Variants in ARRB1 observed in about 807,000 individuals in gnomAD.
ARRB1 encodes the protein beta-arrestin-1.
In ARRB1, 21 loss-of-function variants were observed where a neutral mutation model predicts 56.8. The ratio of observed to expected loss-of-function variants is 0.37; its 90% CI spans 0.26 to 0.53. The LOEUF (loss-of-function observed/expected upper bound fraction) is 0.53. ARRB1 is among the 20% of genes least tolerant of loss of function. The pLI, the probability that ARRB1 is intolerant of heterozygous loss-of-function variation, is 0.88. For missense variants in ARRB1, 424 were observed against 553.7 expected, an observed-to-expected ratio of 0.77 and a Z score of 2.35; for synonymous variants, 210 against 218.6, an observed-to-expected ratio of 0.96 and a Z score of 0.35.
At position 75,348,608 on chromosome 11, in the gene ARRB1, T is replaced by A. The variant is rs542982; in HGVS notation, c.20+2980A>T. Among the ~76,000 whole-genome samples, 145 of 152,102 alleles carry A rather than the reference T, an allele frequency of 9.5e-4. 3 individuals carry two copies. The highest frequency in any genetic ancestry group is 6.0e-3 in the South Asian group (29 of 4,812). ...GTCCTGTCCAGGTATTTTTTTTTTT[T>A]ATTTTTTCAGACAGGGTCTCACTCT... On this transcript the variant is annotated intron_variant, in intron 1 of 15. Coordinates refer to ENST00000420843, the MANE Select transcript of ARRB1 (RefSeq NM_004041.5).
chr11:75,313,695 C>T (rs1322570505), intron 1 of ARRB1, among the ~76,000 whole-genome samples: 1 of 151,572 alleles, frequency 6.6e-6, no homozygotes, highest in Non-Finnish European at 1.5e-5. Flanking sequence ...AAATGAAATC[C>T]CCTACTTAGC....
At chr11:75,278,332 T>A (rs1565110185) in intron 8 of ARRB1, among the ~76,000 whole-genome samples, 1 of 152,072 alleles carries the variant, frequency 6.6e-6, no homozygotes, top group Non-Finnish European at 1.5e-5. Flanking sequence ...CTGGTGGAGG[T>A]GTGGGGGAGA....
intron 14 of ARRB1, among the ~76,000 whole-genome samples, chr11:75,267,991 C>T (rs1468573160): frequency 1.3e-5 from 2 of 152,222 alleles, no homozygotes; most frequent in Non-Finnish European, 2.9e-5. Flanking sequence ...ACATGAATTA[C>T]ATTAATTCCT....
At position 75,280,965 on chromosome 11, in the gene ARRB1, G is replaced by A. The variant is rs776688048; in HGVS notation, c.482+110C>T. 4.2e-5 allele frequency: 54 copies of A among 1,287,978 alleles called. No individual in the cohort carries two copies. In the Middle Eastern group the frequency reaches 2.6e-3, roughly 61 times the overall value. The allele number at this position is 1,287,978 out of a possible 1,614,324, so 79.8% of individuals were successfully genotyped here. ...GTGCCCTTCCAAGGCTGGAATGTGC[G>A]CCCCTCCTCACACACTTCCAGGTAT... is the stretch of plus-strand genomic sequence containing the variant. On this transcript the variant is annotated intron_variant, in intron 7 of 15. Transcript: ENST00000420843.
chr11:75,276,578 T>C (rs1946205602), intron 10 of ARRB1, among the ~76,000 whole-genome samples: 1 of 152,216 alleles, frequency 6.6e-6, no homozygotes. Flanking sequence ...CCCAATCCCC[T>C]TACATTCATT....
Position 75,265,811 on chromosome 11 carries a change from T to C in ARRB1, c.*352A>G. ...CCCTCATCCCCACCCCTCCAAGCCC[T>C]CATGCCCACCACACCGTGTCCCACA... On this transcript the variant is annotated 3_prime_UTR_variant, in exon 16 of 16. Coordinates refer to ENST00000420843, the MANE Select transcript of ARRB1 (RefSeq NM_004041.5). 3.2e-6 allele frequency: 1 copy of C among 312,012 alleles called. No individual in the cohort carries two copies. Among genetic ancestry groups the C allele is most frequent in the East Asian group, 7.6e-5 (1 of 13,088 alleles). 19.3% of individuals were successfully genotyped at this position (312,012 alleles called of 1,614,324 possible).
In ARRB1 at chr11:75,283,446, C is replaced by T. The variant is rs546039466; in HGVS notation, c.195G>A (p.Arg65=). Residue 65 remains arginine, a synonymous_variant, in exon 5 of 16, where the codon CGG becomes CGA. Transcript: ENST00000420843. The part of the protein sequence containing the change: ...VTLTCAFRYG[R]EDLDVLGLTF... ...TCAGGCCCAGGACATCCAGGTCCTCCCGGCCATAGCGGAAGGCGCAGGTCA... is the reference window on the plus strand; with the variant it reads ...TCAGGCCCAGGACATCCAGGTCCTCTCGGCCATAGCGGAAGGCGCAGGTCA... 270 of 1,613,680 alleles carry T rather than the reference C, an allele frequency of 1.7e-4. 2 individuals are homozygous for T. The South Asian group carries it at 2.7e-3, about 16-fold the overall frequency.
intron 1 of ARRB1, among the ~76,000 whole-genome samples, chr11:75,292,983 C>A (rs1022351716): frequency 1.3e-5 from 2 of 152,072 alleles, no homozygotes; most frequent in Non-Finnish European, 2.9e-5. Flanking sequence ...TGCTTCATAT[C>A]CAACCCGGCT....
intron 13 of ARRB1, among the ~76,000 whole-genome samples, chr11:75,270,356 G>A (rs938612971): frequency 9.2e-5 from 14 of 152,182 alleles, no homozygotes; most frequent in Non-Finnish European, 1.8e-4. Flanking sequence ...TAGGCTGGGC[G>A]CGGTGGCTCA....
intron 1 of ARRB1, among the ~76,000 whole-genome samples, chr11:75,336,894 CCAGAGT>C (rs1947613617): frequency 6.6e-6 from 1 of 152,052 alleles, no homozygotes. Flanking sequence ...CACAATGTGC[CCAGAGT>C]CAGAGTTACA....
chr11:75,339,306 G>A (rs1451630506), intron 1 of ARRB1, among the ~76,000 whole-genome samples: 1 of 152,234 alleles, frequency 6.6e-6, no homozygotes, highest in Non-Finnish European at 1.5e-5. Flanking sequence ...TGAGCCCAGT[G>A]TCTCCTGATA....
chr11:75,318,001 G>A (rs1049186362), intron 1 of ARRB1, among the ~76,000 whole-genome samples: 1 of 152,134 alleles, frequency 6.6e-6, no homozygotes, highest in Non-Finnish European at 1.5e-5. Flanking sequence ...CCACCGAGAC[G>A]CTTAGGTCCC....
intron 1 of ARRB1, among the ~76,000 whole-genome samples, chr11:75,293,578 C>A (rs1231180228): frequency 6.6e-6 from 1 of 152,160 alleles, no homozygotes; most frequent in African/African-American, 2.4e-5. Flanking sequence ...GCAGGGTCTG[C>A]CTCATCCCCA....
chr11:75,309,468 G>A (rs1565132414), intron 1 of ARRB1, among the ~76,000 whole-genome samples: 2 of 152,250 alleles, frequency 1.3e-5, no homozygotes, highest in South Asian at 4.1e-4. Flanking sequence ...ACCCTGCAAC[G>A]CAGCCGTCTT....
At chr11:75,340,605 G>A (rs921105723) in intron 1 of ARRB1, among the ~76,000 whole-genome samples, 3 of 152,232 alleles carry the variant, frequency 2.0e-5, no homozygotes, top group African/African-American at 7.2e-5. Flanking sequence ...AGACCTGGCA[G>A]ACCCTGTAGC....
chr11:75,328,845 T>C (rs1313621405), intron 1 of ARRB1, among the ~76,000 whole-genome samples: 3 of 152,106 alleles, frequency 2.0e-5, no homozygotes, highest in African/African-American at 7.2e-5. Context: ...TGGATCCCAG[T>C]ATTCCTCAAT....
rs35323331 is a variant in ARRB1, at chr11:75,305,018, CTTTTT to C, written c.21-14984_21-14980del. ...TTCTTTTCTTTTCTTTTCTTTCTTT[CTTTTT>C]TTTTTTTTTTTTTTTTTGAGACAAG... On this transcript the variant is annotated intron_variant, in intron 1 of 15. Coordinates refer to ENST00000420843, the MANE Select transcript of ARRB1 (RefSeq NM_004041.5). Among the ~76,000 whole-genome samples the C allele has an allele frequency of 5.8e-3, 502 of 86,698 alleles. 1 individual carries two copies. The highest frequency in any genetic ancestry group is 0.02 in the African/African-American group (467 of 23,418). 56.9% of individuals were successfully genotyped at this position (86,698 alleles called of 152,430 possible).
chr11:75,278,962 C>G (rs1039548511), intron 7 of ARRB1, among the ~76,000 whole-genome samples: 1 of 152,234 alleles, frequency 6.6e-6, no homozygotes, highest in Non-Finnish European at 1.5e-5. Context: ...GGCTGCACTT[C>G]ATTTGGTCCT....
chr11:75,307,030 C>T (rs1947049754), intron 1 of ARRB1, among the ~76,000 whole-genome samples: 1 of 152,154 alleles, frequency 6.6e-6, no homozygotes, highest in Admixed American at 6.5e-5. Flanking sequence ...CAGGCACCTC[C>T]TGTCCATCAG....
Sources: gnomAD v4.1 joint callset for allele counts (sites outside exome capture counted in the v4.1 genomes callset) on GRCh38, gnomAD v4.1.1 for gene constraint, MANE v1.5 for transcripts, NCBI Gene and HGNC (gene_info 2026-07-23, HGNC 2026-07-21) for gene names.